GRM8: variants seen among roughly 807,000 people sequenced by gnomAD.
GRM8 encodes the protein glutamate metabotropic receptor 8.
A neutral mutation model predicts 87.2 loss-of-function variants in GRM8; 47 were observed. The ratio of observed to expected loss-of-function variants is 0.54; its 90% CI spans 0.43 to 0.69. The LOEUF (loss-of-function observed/expected upper bound fraction) is 0.69, where lower values mean the gene tolerates loss of function less well. Among genes scored for constraint, GRM8 ranks in the 30% least tolerant of loss-of-function variants. The pLI, the probability that GRM8 is intolerant of heterozygous loss-of-function variation, is 0.00. For synonymous variants in GRM8, 396 were observed against 404.5 expected, an observed-to-expected ratio of 0.98 and a Z score of 0.25; for missense variants, 1,019 against 1,139.2, an observed-to-expected ratio of 0.89 and a Z score of 1.52.
intron 3 of GRM8, among the ~76,000 whole-genome samples, chr7:127,000,512 T>C (rs1439858909): frequency 2.0e-5 from 3 of 151,694 alleles, no homozygotes; most frequent in African/African-American, 7.2e-5. Context: ...CCCATAAATA[T>C]ATACACTTAC....
At chr7:127,139,788 C>G (rs912086268) in intron 2 of GRM8, among the ~76,000 whole-genome samples, 1 of 152,130 alleles carries the variant, frequency 6.6e-6, no homozygotes, top group African/African-American at 2.4e-5. Flanking sequence ...TAACTTTAAG[C>G]TCTTTCTATC....
chr7:127,246,627 T>C (rs145395697), intron 1 of GRM8, among the ~76,000 whole-genome samples: 8 of 152,276 alleles, frequency 5.3e-5, no homozygotes, highest in East Asian at 3.9e-4. Flanking sequence ...TCATACATCA[T>C]TGGGCCCTCC....
chr7:126,879,384 T>C (rs967010826), intron 6 of GRM8, among the ~76,000 whole-genome samples: 1 of 152,172 alleles, frequency 6.6e-6, no homozygotes, highest in Non-Finnish European at 1.5e-5. Flanking sequence ...ATTAGCAATT[T>C]AGCTATGAAT....
At chr7:127,076,351 C>A (rs947907986) in intron 3 of GRM8, 1 of 355,056 alleles carries the variant, frequency 2.8e-6, no homozygotes, top group African/African-American at 2.1e-5. Flanking sequence ...GCACAGCAAA[C>A]ACTCAGAGTA....
intron 6 of GRM8, among the ~76,000 whole-genome samples, chr7:126,829,585 C>A (rs201076901): frequency 2.7e-4 from 38 of 141,838 alleles, no homozygotes; most frequent in East Asian, 6.1e-4. Context: ...TTATTTTGAG[C>A]CTATGTGTGT....
intron 3 of GRM8, among the ~76,000 whole-genome samples, chr7:126,956,380 C>G (rs542321316): frequency 6.6e-4 from 100 of 152,282 alleles, no homozygotes; most frequent in Non-Finnish European, 1.2e-3. Context: ...ATAACCAAGC[C>G]TATCTCACCA....
At chr7:126,772,390 A>G (rs1818943817) in intron 6 of GRM8, among the ~76,000 whole-genome samples, 2 of 152,132 alleles carry the variant, frequency 1.3e-5, no homozygotes, top group Non-Finnish European at 2.9e-5. Flanking sequence ...GAAAATAAAG[A>G]CAGTGAGGTT....
chr7:126,533,136 A>T lies in GRM8; in HGVS notation c.2246T>A (p.Leu749His). ...GATACTGTATCCAAGTGAACAAATG[A>T]GTGAGAGATCAGAAATGTCACACTT... ...VLKCDISDLSLICSLGYSILL... is the reference protein window; with the variant it reads ...VLKCDISDLSHICSLGYSILL... The change falls in exon 9 of 11, where the codon CTC becomes CAC. Residue 749 changes from leucine to histidine, a missense_variant. Transcript: ENST00000339582. 1 of 1,613,352 alleles carries T rather than the reference A, an allele frequency of 6.2e-7. No individual in the cohort carries two copies. Among genetic ancestry groups the T allele is most frequent in the Non-Finnish European group, 8.5e-7 (1 of 1,179,880 alleles).
At chr7:127,233,662 C>A (rs375376251) in intron 2 of GRM8, among the ~76,000 whole-genome samples, 10 of 152,188 alleles carry the variant, frequency 6.6e-5, no homozygotes, top group African/African-American at 2.4e-4. Context: ...CATGGTGTCC[C>A]TGAAGCTGGG....
chr7:127,051,363 C>G (rs1417092073), intron 3 of GRM8, among the ~76,000 whole-genome samples: 1 of 151,868 alleles, frequency 6.6e-6, no homozygotes, highest in African/African-American at 2.4e-5. Context: ...AACCTGCACA[C>G]GTACCCTGAA....
intron 2 of GRM8, among the ~76,000 whole-genome samples, chr7:127,220,507 C>T (rs1796851470): frequency 6.6e-6 from 1 of 152,102 alleles, no homozygotes; most frequent in African/African-American, 2.4e-5. Flanking sequence ...TATTTTGAGA[C>T]AGGGTCTTAC....
At chr7:126,953,969 A>T (rs982210984) in intron 3 of GRM8, among the ~76,000 whole-genome samples, 3 of 152,166 alleles carry the variant, frequency 2.0e-5, no homozygotes, top group Non-Finnish European at 4.4e-5. Context: ...ACTAGAAGAT[A>T]TTTAATATAC....
intron 9 of GRM8, among the ~76,000 whole-genome samples, chr7:126,467,800 C>CA (rs1416354784): frequency 6.6e-6 from 1 of 151,898 alleles, no homozygotes; most frequent in African/African-American, 2.4e-5. Flanking sequence ...CCATTGCATA[C>CA]AAATATTCAG....
intron 2 of GRM8, among the ~76,000 whole-genome samples, chr7:127,110,727 T>C (rs1374445081): frequency 1.3e-5 from 2 of 152,194 alleles, no homozygotes; most frequent in African/African-American, 4.8e-5. Flanking sequence ...AGGAGATTCC[T>C]ACCTCCCAAC....
chr7:126,562,651 T>C (rs1291435350), intron 8 of GRM8, among the ~76,000 whole-genome samples: 1 of 152,306 alleles, frequency 6.6e-6, no homozygotes, highest in Middle Eastern at 3.4e-3. Context: ...TCCCAGCACT[T>C]TGGGAGGCCA....
At chr7:126,557,375 T>A in intron 8 of GRM8, among the ~76,000 whole-genome samples, 1 of 152,164 alleles carries the variant, frequency 6.6e-6, no homozygotes, top group East Asian at 1.9e-4. Flanking sequence ...TTGGAATCAC[T>A]CTTGGTCCAT....
intron 3 of GRM8, among the ~76,000 whole-genome samples, chr7:127,058,606 A>G (rs1358213287): frequency 6.6e-6 from 1 of 152,096 alleles, no homozygotes; most frequent in African/African-American, 2.4e-5. Context: ...GTTTTCCTTC[A>G]CCACAACATT....
intron 8 of GRM8, among the ~76,000 whole-genome samples, chr7:126,602,637 G>C (rs1156770684): frequency 1.4e-5 from 2 of 145,520 alleles, no homozygotes; most frequent in African/African-American, 5.0e-5. Context: ...TCTCCTTGAA[G>C]AGGTCCTTCA....
chr7:127,059,486 G>A (rs17865454), intron 3 of GRM8, among the ~76,000 whole-genome samples: 283 of 151,922 alleles, frequency 1.9e-3, no homozygotes, highest in African/African-American at 6.6e-3. Context: ...ACAGGTGCAC[G>A]CCACCACACC....
Sources: gnomAD v4.1 joint callset for allele counts (sites outside exome capture counted in the v4.1 genomes callset) on GRCh38, gnomAD v4.1.1 for gene constraint, MANE v1.5 for transcripts, NCBI Gene and HGNC (gene_info 2026-07-23, HGNC 2026-07-21) for gene names.